Variants in KLF17 observed in about 807,000 individuals in gnomAD.
The protein encoded by KLF17 is Krueppel-like factor 17.
In KLF17, 31 loss-of-function variants were observed where a neutral mutation model predicts 34.2. The observed-to-expected ratio is 0.91, with a 90% CI of 0.68 to 1.22. The LOEUF (loss-of-function observed/expected upper bound fraction) is 1.22, where lower values mean the gene tolerates loss of function less well. KLF17 is among the 50% of genes most tolerant of loss of function. The probability of loss-of-function intolerance (pLI) is 0.00; values close to 1 mark genes in which losing one functional copy is unlikely to be tolerated. For missense variants in KLF17, 478 were observed against 505.2 expected, an observed-to-expected ratio of 0.95 and a Z score of 0.52; for synonymous variants, 179 against 186.7, an observed-to-expected ratio of 0.96 and a Z score of 0.34.
intron 3 of KLF17, among the ~76,000 whole-genome samples, chr1:44,132,868 C>T (rs2088127521): frequency 6.6e-6 from 1 of 152,148 alleles, no homozygotes; most frequent in South Asian, 2.1e-4. Flanking sequence ...TATTTAGACT[C>T]GGCAGGCTGT....
chr1:44,049,322 A>G, the KLF17 span, among the ~76,000 whole-genome samples: 1 of 152,182 alleles, frequency 6.6e-6, no homozygotes, highest in Non-Finnish European at 1.5e-5. Flanking sequence ...TGGGGGGCAC[A>G]CAACATTTAG....
chr1:44,127,266 G>GT (rs1341610923), intron 1 of KLF17, among the ~76,000 whole-genome samples: 2 of 152,104 alleles, frequency 1.3e-5, no homozygotes, highest in African/African-American at 2.4e-5. Flanking sequence ...AAAAGTGAAT[G>GT]TAAGTACAGC....
At chr1:44,127,768 T>A (rs2088044102) in intron 1 of KLF17, among the ~76,000 whole-genome samples, 1 of 145,764 alleles carries the variant, frequency 6.9e-6, no homozygotes, top group South Asian at 2.2e-4. Flanking sequence ...CTTTCTTCTC[T>A]TCTTTCTTTC....
the KLF17 span, among the ~76,000 whole-genome samples, chr1:44,059,252 CTTCTT>C: frequency 6.6e-6 from 1 of 152,162 alleles, no homozygotes; most frequent in Non-Finnish European, 1.5e-5. Flanking sequence ...TAATTTTTCT[CTTCTT>C]CCTGATTGTA....
chr1:44,086,671 T>C, the KLF17 span, among the ~76,000 whole-genome samples: 1 of 152,092 alleles, frequency 6.6e-6, no homozygotes, highest in African/African-American at 2.4e-5. Context: ...AACAACAGTA[T>C]AGGAGAGTTA....
chr1:44,054,384 C>A, the KLF17 span, among the ~76,000 whole-genome samples: 29 of 152,060 alleles, frequency 1.9e-4, no homozygotes, highest in Admixed American at 1.9e-3. Context: ...CAGGGTTACC[C>A]ACCCCAGGAA....
At chr1:44,046,092 C>T in the KLF17 span, 1 of 149,508 alleles carries the variant, frequency 6.7e-6, no homozygotes, top group Non-Finnish European at 1.5e-5. Context: ...AGATGTCAGC[C>T]TGTGTATGAA....
chr1:44,116,801 T>A (rs1197978868), upstream of KLF17, among the ~76,000 whole-genome samples: 1 of 152,210 alleles, frequency 6.6e-6, no homozygotes, highest in Admixed American at 6.5e-5. Context: ...GTTGATAGCA[T>A]CCACTCTAAT....
At chr1:44,115,474 C>CAA (rs2087871754), upstream of KLF17, 1 of 125,584 alleles carries the variant, frequency 8.0e-6, no homozygotes, top group Non-Finnish European at 1.7e-5. Context: ...AAAAAAAAAC[C>CAA]AAAACAAAAA....
the KLF17 span, among the ~76,000 whole-genome samples, chr1:44,087,745 TATATATATATATATATATATATATAC>T: frequency 1.4e-3 from 58 of 42,870 alleles, no homozygotes; most frequent in Middle Eastern, 7.4e-3. Context: ...TATATATATA[TATATATATATATATATATATATATAC>T]ACACACACAC....
At chr1:44,130,820 G>A (rs887171087) in intron 3 of KLF17, 64 bp downstream of exon 3, 26 of 1,490,422 alleles carry the variant, frequency 1.7e-5, no homozygotes, top group African/African-American at 6.9e-5. Flanking sequence ...TTTTTGAGAC[G>A]GAGTCTCACT....
rs77667209 is a variant in KLF17 at position 44,130,141 on chromosome 1, C to T, written c.870C>T (p.Cys290=). ...CTTACTGCTGCAACTACGAGAACTG[C>T]GGAAAAGCTTATACCAAACGCTCCC... The part of the protein sequence containing the change: ...ARPYCCNYEN[C]GKAYTKRSHL... Residue 290 remains cysteine (C), a synonymous_variant, in exon 2 of 4, where the codon TGC becomes TGT. Coordinates refer to ENST00000372299, the MANE Select transcript of KLF17 (RefSeq NM_173484.4). The T allele has an allele frequency of 1.9e-3, 3,047 of 1,614,124 alleles. 14 individuals carry two copies. The highest frequency in any genetic ancestry group is 0.014 in the African/African-American group (1,077 of 75,042).
chr1:44,056,580 C>A, the KLF17 span, among the ~76,000 whole-genome samples: 1 of 152,210 alleles, frequency 6.6e-6, no homozygotes, highest in South Asian at 2.1e-4. Flanking sequence ...CTGGGAACAG[C>A]TCCTGCTTTG....
At chr1:44,082,818 T>A in the KLF17 span, among the ~76,000 whole-genome samples, 1 of 152,168 alleles carries the variant, frequency 6.6e-6, no homozygotes, top group African/African-American at 2.4e-5. Context: ...CAAACCAAAC[T>A]GATACATTCA....
the KLF17 span, chr1:44,104,207 C>T: frequency 9.3e-7 from 1 of 1,077,496 alleles, no homozygotes; most frequent in Admixed American, 1.7e-5. Flanking sequence ...ATTGATTCTC[C>T]ATCTCTGTAC....
At chr1:44,092,097 C>T in the KLF17 span, among the ~76,000 whole-genome samples, 1 of 150,884 alleles carries the variant, frequency 6.6e-6, no homozygotes. Flanking sequence ...AATCCCAGCA[C>T]TTTGGGATGC....
the KLF17 span, among the ~76,000 whole-genome samples, chr1:44,083,435 T>A: frequency 6.6e-6 from 1 of 152,136 alleles, no homozygotes; most frequent in Non-Finnish European, 1.5e-5. Context: ...TCAGTTGGCA[T>A]CCAAGGAGCA....
At chr1:44,117,565 G>A (rs906457969), upstream of KLF17, among the ~76,000 whole-genome samples, 5 of 150,332 alleles carry the variant, frequency 3.3e-5, no homozygotes, top group Admixed American at 2.7e-4. Flanking sequence ...GCGCGATCTC[G>A]ACACACTGGA....
chr1:44,104,279 A>G, the KLF17 span: 10 of 1,138,932 alleles, frequency 8.8e-6, no homozygotes. Context: ...GCGTGTTGCC[A>G]AGCTCCGTCT....
Sources: allele counts gnomAD v4.1 joint callset (sites outside exome capture counted in the v4.1 genomes callset), GRCh38; gene constraint gnomAD v4.1.1; transcripts MANE v1.5; gene names NCBI Gene and HGNC (gene_info 2026-07-23, HGNC 2026-07-21).